The following CNTN1 variants were observed in gnomAD, a reference collection of about 807,000 sequenced individuals.
The protein encoded by CNTN1 is contactin-1.
CNTN1 carries 38 observed loss-of-function variants against 126.4 expected under a neutral mutation model. That is an observed-to-expected ratio of 0.30 (90% CI 0.23 to 0.39). CNTN1 has a LOEUF of 0.39. Ranked by LOEUF, CNTN1 falls within the 10% of genes least tolerant of loss-of-function variation. The probability of loss-of-function intolerance (pLI) is 1.00; values close to 1 mark genes in which losing one functional copy is unlikely to be tolerated. For missense variants in CNTN1, 1,009 were observed against 1,248.4 expected (o/e 0.81, Z 2.89); for synonymous variants, 413 against 422.6 (o/e 0.98, Z 0.28).
intron 12 of CNTN1, among the ~76,000 whole-genome samples, chr12:40,940,260 T>A (rs567163306): frequency 6.6e-6 from 1 of 152,098 alleles, no homozygotes; most frequent in African/African-American, 2.4e-5. Context: ...GAGTTTAGAA[T>A]GTGTAAGAAA....
chr12:40,758,684 C>T (rs1938708682), intron 1 of CNTN1, among the ~76,000 whole-genome samples: 1 of 152,060 alleles, frequency 6.6e-6, no homozygotes, highest in Non-Finnish European at 1.5e-5. Flanking sequence ...AATCCAGTTT[C>T]AACAGTTATC....
At chr12:41,046,241 A>G (rs552175176) in intron 23 of CNTN1, among the ~76,000 whole-genome samples, 1 of 152,252 alleles carries the variant, frequency 6.6e-6, no homozygotes, top group South Asian at 2.1e-4. Context: ...CACAGATTTC[A>G]GTGTGAATTT....
chr12:40,720,884 G>A (rs1042891138), intron 1 of CNTN1, among the ~76,000 whole-genome samples: 7 of 151,554 alleles, frequency 4.6e-5, no homozygotes, highest in African/African-American at 9.7e-5. Context: ...AGCTGAGATC[G>A]CACCACTGCA....
intron 1 of CNTN1, among the ~76,000 whole-genome samples, chr12:40,901,719 T>C (rs958243136): frequency 2.0e-5 from 3 of 152,236 alleles, no homozygotes; most frequent in Non-Finnish European, 4.4e-5. Flanking sequence ...CATATTTTAT[T>C]CTGACAATGG....
intron 23 of CNTN1, among the ~76,000 whole-genome samples, chr12:41,069,302 T>G (rs2121166924): frequency 6.6e-6 from 1 of 152,342 alleles, no homozygotes; most frequent in South Asian, 2.1e-4. Context: ...AATACATTAC[T>G]TAAGTCATTC....
chr12:40,918,040 A>C (rs1178952397), intron 3 of CNTN1, among the ~76,000 whole-genome samples: 1 of 152,154 alleles, frequency 6.6e-6, no homozygotes, highest in Non-Finnish European at 1.5e-5. Context: ...CTTGTTCAAA[A>C]ATCATTAGGC....
At chr12:41,002,308 T>A (rs1296812360) in intron 17 of CNTN1, among the ~76,000 whole-genome samples, 1 of 122,790 alleles carries the variant, frequency 8.1e-6, no homozygotes, top group Non-Finnish European at 1.9e-5. Flanking sequence ...CATCTCTGAT[T>A]TGTTTGAGCA....
intron 1 of CNTN1, among the ~76,000 whole-genome samples, chr12:40,697,241 C>G (rs1407475248): frequency 6.6e-6 from 1 of 152,162 alleles, no homozygotes; most frequent in Non-Finnish European, 1.5e-5. Flanking sequence ...AGTGGTTGTA[C>G]CAGTTTGGCC....
rs143709955 is a variant in CNTN1, at chr12:41,012,887, T to C, written c.2114-1341T>C. 1.2e-3 allele frequency among the ~76,000 whole-genome samples: 181 copies of C among 152,206 alleles called. 3 individuals are homozygous for C. In the East Asian group the frequency reaches 0.019, roughly 16 times the overall value. On this transcript the variant is annotated intron_variant, in intron 17 of 23. Coordinates refer to ENST00000551295, the MANE Select transcript of CNTN1 (RefSeq NM_001843.4). The stretch of plus-strand genomic sequence containing the variant: ...AGGTCCCCAGTATGAAATGGCTATG[T>C]TGTCTGGGGTATATACCCTGGGATT...
At chr12:40,774,468 A>G (rs1939496528) in intron 1 of CNTN1, among the ~76,000 whole-genome samples, 1 of 151,746 alleles carries the variant, frequency 6.6e-6, no homozygotes, top group Non-Finnish European at 1.5e-5. Context: ...ATCTCACAAG[A>G]CAGCACATAT....
intron 6 of CNTN1, among the ~76,000 whole-genome samples, chr12:40,926,496 A>G (rs922988058): frequency 1.3e-5 from 2 of 152,110 alleles, no homozygotes; most frequent in East Asian, 3.9e-4. Context: ...CTTATGATCC[A>G]TAACAATTAT....
intron 1 of CNTN1, among the ~76,000 whole-genome samples, chr12:40,876,106 C>A: frequency 6.7e-6 from 1 of 148,866 alleles, no homozygotes. Flanking sequence ...AAAATAGCTA[C>A]AGGTTAAATA....
intron 23 of CNTN1, among the ~76,000 whole-genome samples, chr12:41,031,245 TATA>T (rs1949140238): frequency 6.6e-6 from 1 of 152,238 alleles, no homozygotes; most frequent in African/African-American, 2.4e-5. Flanking sequence ...AAGCCCTGTT[TATA>T]ATGTTTGCCT....
intron 23 of CNTN1, among the ~76,000 whole-genome samples, chr12:41,046,832 T>C (rs1289911942): frequency 6.7e-6 from 1 of 150,370 alleles, no homozygotes; most frequent in Non-Finnish European, 1.5e-5. Context: ...CTACCAGTGA[T>C]CTTATTGCTT....
chr12:40,820,215 C>G (rs1188398914), intron 1 of CNTN1, among the ~76,000 whole-genome samples: 1 of 152,178 alleles, frequency 6.6e-6, no homozygotes, highest in Non-Finnish European at 1.5e-5. Context: ...CTCTTTTTAA[C>G]AACCAGCTCT....
intron 20 of CNTN1, among the ~76,000 whole-genome samples, chr12:41,022,138 A>G (rs1341407672): frequency 6.6e-6 from 1 of 152,310 alleles, no homozygotes; most frequent in South Asian, 2.1e-4. Flanking sequence ...AACAAGAAGA[A>G]GACAAAAGAA....
At chr12:40,892,625 A>C (rs1944278423) in intron 1 of CNTN1, among the ~76,000 whole-genome samples, 1 of 152,138 alleles carries the variant, frequency 6.6e-6, no homozygotes, top group Admixed American at 6.5e-5. Flanking sequence ...GTGCTTCGAC[A>C]GGAATGCTAA....
At chr12:40,876,083 A>C (rs940972625) in intron 1 of CNTN1, among the ~76,000 whole-genome samples, 6 of 151,890 alleles carry the variant, frequency 4.0e-5, no homozygotes, top group Non-Finnish European at 8.8e-5. Flanking sequence ...ATTTCTAAGA[A>C]ATTGGAGATC....
At chr12:40,872,212 T>TGTGTGTGTGTG (rs1943525526) in intron 1 of CNTN1, among the ~76,000 whole-genome samples, 2 of 113,516 alleles carry the variant, frequency 1.8e-5, no homozygotes, top group African/African-American at 7.2e-5. Context: ...GTTGCTTTGT[T>TGTGTGTGTGTG]TGTGTGTGTG....
Sources: gnomAD v4.1 joint callset for allele counts (sites outside exome capture counted in the v4.1 genomes callset) on GRCh38, gnomAD v4.1.1 for gene constraint, MANE v1.5 for transcripts, NCBI Gene and HGNC (gene_info 2026-07-23, HGNC 2026-07-21) for gene names.